The following SLCO1A2 variants were observed in gnomAD, a reference collection of about 807,000 sequenced individuals.
The protein encoded by SLCO1A2 is OATP-1.
SLCO1A2 carries 67 observed loss-of-function variants against 69.0 expected under a neutral mutation model. That is an observed-to-expected ratio of 0.97 (90% confidence interval 0.80 to 1.19). SLCO1A2 has a LOEUF of 1.19. Ranked by LOEUF, SLCO1A2 falls within the 50% of genes most tolerant of loss-of-function variation. The probability of loss-of-function intolerance (pLI) is 0.00; values close to 1 mark genes in which losing one functional copy is unlikely to be tolerated. For missense variants in SLCO1A2, 787 were observed against 793.7 expected (o/e 0.99, Z 0.10); for synonymous variants, 260 against 265.9 (o/e 0.98, Z 0.22).
At chr12:21,360,707 C>G (rs1032488502) in intron 2 of SLCO1A2, among the ~76,000 whole-genome samples, 4 of 152,204 alleles carry the variant, frequency 2.6e-5, no homozygotes, top group African/African-American at 9.6e-5. Flanking sequence ...TCTTTTCCAA[C>G]AGCCTTAGCA....
intron 2 of SLCO1A2, among the ~76,000 whole-genome samples, chr12:21,321,440 C>T (rs913123760): frequency 2.6e-5 from 4 of 152,186 alleles, no homozygotes; most frequent in African/African-American, 9.7e-5. Context: ...TCACACGCCA[C>T]CTCCACTAAT....
rs762234732 is a variant in SLCO1A2 at position 21,306,932 on chromosome 12, A to G, written c.392T>C (p.Leu131Ser). 4 of 1,613,836 alleles carry G rather than the reference A, an allele frequency of 2.5e-6. No homozygotes were observed. The highest frequency in any genetic ancestry group is 2.7e-5 in the African/African-American group (2 of 74,934). ...AATCTGGGTTCCATTTTCCATACACAAGAAACTGTTTGAGGACAAGTTGCC... is the reference window on the plus strand; with the variant it reads ...AATCTGGGTTCCATTTTCCATACACGAGAAACTGTTTGAGGACAAGTTGCC... ...VSGNLSSNSF[L>S]CMENGTQILR... The change falls in exon 5 of 15, where the codon TTG becomes TCG. Residue 131 changes from leucine (L) to serine (S), a missense_variant. By Grantham distance (145) the Leu-to-Ser change is moderately radical. Coordinates refer to ENST00000683939, the MANE Select transcript of SLCO1A2 (RefSeq NM_001386879.1).
chr12:21,346,915 CCTT>C (rs1468864633), intron 2 of SLCO1A2, among the ~76,000 whole-genome samples: 1 of 151,972 alleles, frequency 6.6e-6, no homozygotes, highest in Non-Finnish European at 1.5e-5. Context: ...TTCCTTCACT[CCTT>C]GTGAAAGCTC....
chr12:21,362,577 A>G (rs1294322120), intron 2 of SLCO1A2, among the ~76,000 whole-genome samples: 1 of 152,334 alleles, frequency 6.6e-6, no homozygotes, highest in South Asian at 2.1e-4. Context: ...AATGGGCTAA[A>G]TGCTCCAATT....
chr12:21,353,835 T>C (rs979682364), intron 2 of SLCO1A2, among the ~76,000 whole-genome samples: 2 of 152,186 alleles, frequency 1.3e-5, no homozygotes, highest in Admixed American at 6.5e-5. Flanking sequence ...CCAGTGAAAA[T>C]TGAAACTTAA....
intron 12 of SLCO1A2, among the ~76,000 whole-genome samples, chr12:21,285,352 T>A (rs1160711547): frequency 6.6e-6 from 1 of 151,566 alleles, no homozygotes; most frequent in African/African-American, 2.4e-5. Context: ...GAGCTGAAAT[T>A]GTGGCAATAA....
At chr12:21,302,453 G>A (rs1948828337) in intron 6 of SLCO1A2, among the ~76,000 whole-genome samples, 1 of 151,770 alleles carries the variant, frequency 6.6e-6, no homozygotes, top group Non-Finnish European at 1.5e-5. Context: ...TATTTACTAA[G>A]TAAAAGTCTT....
Position 21,295,639 on chromosome 12 carries a change from C to T in SLCO1A2, c.1229G>A (p.Cys410Tyr). The T allele has an allele frequency of 6.2e-7, 1 of 1,603,398 alleles. No individual in the cohort carries two copies. The highest frequency in any genetic ancestry group is 1.1e-5 in the South Asian group (1 of 90,752). ...LLYFLSFLMT[C>Y]ENSSVVGINT... Reference sequence around the variant, plus strand: ...TATTCCAACAACTGAAGAATTTTCACAAGTCATGAGAAAAGATAAAAAATA... The same window carrying T: ...TATTCCAACAACTGAAGAATTTTCATAAGTCATGAGAAAAGATAAAAAATA... Residue 410 changes from cysteine (C) to tyrosine (Y), a missense_variant, in exon 10 of 15, where the codon TGT becomes TAT. Transcript: ENST00000683939.
intron 2 of SLCO1A2, among the ~76,000 whole-genome samples, chr12:21,365,152 C>A (rs1251531249): frequency 6.6e-6 from 1 of 152,170 alleles, no homozygotes; most frequent in Non-Finnish European, 1.5e-5. Context: ...AACTATACTA[C>A]AAGGCTACAG....
intron 2 of SLCO1A2, among the ~76,000 whole-genome samples, chr12:21,328,508 A>AG (rs928531947): frequency 6.6e-6 from 1 of 152,108 alleles, no homozygotes; most frequent in Admixed American, 6.6e-5. Flanking sequence ...TACTACTTGT[A>AG]GGGGTCTCAG....
At chr12:21,404,167 G>A (rs954806404) in intron 1 of SLCO1A2, among the ~76,000 whole-genome samples, 3 of 152,142 alleles carry the variant, frequency 2.0e-5, no homozygotes, top group African/African-American at 7.2e-5. Context: ...GCTATGTAAA[G>A]TAATTAGGTG....
chr12:21,293,875 T>C (rs1463289272), intron 11 of SLCO1A2, 70 bp downstream of exon 11: 6 of 1,311,306 alleles, frequency 4.6e-6, no homozygotes, highest in Non-Finnish European at 6.2e-6. Flanking sequence ...TTTTATTAAA[T>C]ATAGGCCCAG....
intron 14 of SLCO1A2, among the ~76,000 whole-genome samples, chr12:21,273,558 G>A (rs142976880): frequency 6.6e-6 from 1 of 152,120 alleles, no homozygotes; most frequent in African/African-American, 2.4e-5. Context: ...CGTTTAATGT[G>A]TCTTAAGCAC....
intron 2 of SLCO1A2, among the ~76,000 whole-genome samples, chr12:21,359,451 C>T (rs1295435841): frequency 2.0e-5 from 3 of 151,990 alleles, no homozygotes; most frequent in African/African-American, 7.3e-5. Flanking sequence ...ACCACAAATA[C>T]TGATATTTGG....
intron 8 of SLCO1A2, among the ~76,000 whole-genome samples, chr12:21,299,770 GTATATATATA>G (rs749456623): frequency 0.087 from 11,230 of 129,686 alleles, 1,062 homozygotes; most frequent in East Asian, 0.37. Context: ...ATATACGTGT[GTATATATATA>G]TATATATATA....
chr12:21,299,856 A>G (rs1050444170), intron 8 of SLCO1A2, among the ~76,000 whole-genome samples: 3 of 130,964 alleles, frequency 2.3e-5, no homozygotes, highest in East Asian at 2.1e-4. Context: ...ATATACGTGT[A>G]TATATATATA....
intron 2 of SLCO1A2, among the ~76,000 whole-genome samples, chr12:21,322,646 C>G (rs1190215206): frequency 6.6e-6 from 1 of 151,820 alleles, no homozygotes; most frequent in Non-Finnish European, 1.5e-5. Flanking sequence ...TCAGAAACAA[C>G]AGATGTAAAT....
At position 21,269,441 on chromosome 12, in the gene SLCO1A2, T is replaced by G. The variant is rs187581114; in HGVS notation, c.*107A>C. The G allele has an allele frequency of 2.1e-5, 15 of 727,426 alleles. No homozygotes were observed. Among genetic ancestry groups the G allele is most frequent in the Non-Finnish European group, 2.8e-5 (13 of 462,572 alleles). 45.1% of individuals were successfully genotyped at this position (727,426 alleles called of 1,614,324 possible). On this transcript the variant is annotated 3_prime_UTR_variant, in exon 15 of 15. Coordinates refer to ENST00000683939, the MANE Select transcript of SLCO1A2 (RefSeq NM_001386879.1). ...ATTTTGAGTTAAGAGGTTTTTTAGG[T>G]TCTTAAAGACAAGAAAAAGTTATCT...
At chr12:21,324,041 T>C (rs1318529184) in intron 2 of SLCO1A2, among the ~76,000 whole-genome samples, 1 of 152,158 alleles carries the variant, frequency 6.6e-6, no homozygotes, top group East Asian at 1.9e-4. Flanking sequence ...TCCAGTTTCC[T>C]TGGAAGTAAA....
Sources: gnomAD v4.1 joint callset for allele counts (sites outside exome capture counted in the v4.1 genomes callset) on GRCh38, gnomAD v4.1.1 for gene constraint, MANE v1.5 for transcripts, NCBI Gene and HGNC (gene_info 2026-07-23, HGNC 2026-07-21) for gene names.